FRMPD4: variants seen among roughly 807,000 people sequenced by gnomAD.
FRMPD4 encodes FERM and PDZ domain containing 4, also known as FERM and PDZ domain-containing protein 4.
A neutral mutation model predicts 94.1 loss-of-function variants in FRMPD4; 22 were observed. The observed-to-expected ratio is 0.23, with a 90% CI of 0.17 to 0.33. The LOEUF (loss-of-function observed/expected upper bound fraction) is 0.33. Among genes scored for constraint, FRMPD4 ranks in the 10% least tolerant of loss-of-function variants. The pLI is 1.00. For synonymous variants in FRMPD4, 631 were observed against 548.6 expected (o/e 1.15, Z -2.10); for missense variants, 1,111 against 1,339.9 (o/e 0.83, Z 2.67).
intron 1 of FRMPD4, among the ~76,000 whole-genome samples, chrX:12,159,346 A>G (rs1027732577): frequency 8.9e-6 from 1 of 112,027 alleles, no homozygotes; most frequent in Non-Finnish European, 1.9e-5. Flanking sequence ...GAGGCTAGGA[A>G]TTGTAATTAT....
chrX:11,826,660 A>G (rs1472698902), intron 1 of FRMPD4, among the ~76,000 whole-genome samples: 1 of 112,104 alleles, frequency 8.9e-6, no homozygotes, highest in Non-Finnish European at 1.9e-5. Flanking sequence ...GGCATGTTGT[A>G]CAAATTACAA....
At chrX:12,058,304 G>A (rs1180918830) in intron 3 of FRMPD4, among the ~76,000 whole-genome samples, 1 of 111,465 alleles carries the variant, frequency 9.0e-6, no homozygotes, top group African/African-American at 3.3e-5. Flanking sequence ...TGGCAAGTCC[G>A]GACATGAGGC....
intron 2 of FRMPD4, among the ~76,000 whole-genome samples, chrX:12,599,306 TA>T (rs58459190): frequency 7.7e-4 from 82 of 106,038 alleles, no homozygotes; most frequent in Non-Finnish European, 1.2e-3. Flanking sequence ...TTCCTGCAGG[TA>T]AAAAAAAAAC....
chrX:12,440,991 T>C (rs2057129876), intron 1 of FRMPD4, among the ~76,000 whole-genome samples: 1 of 112,372 alleles, frequency 8.9e-6, no homozygotes, highest in African/African-American at 3.2e-5. Context: ...GTTGTTCTAG[T>C]AGTTCTAACT....
chrX:12,344,073 G>C (rs1331129017), intron 1 of FRMPD4, among the ~76,000 whole-genome samples: 2 of 111,999 alleles, frequency 1.8e-5, no homozygotes, highest in Non-Finnish European at 3.8e-5. Context: ...ATTGGCTTCT[G>C]TTAGTGCCTG....
At chrX:11,987,544 C>G (rs1228640366) in intron 3 of FRMPD4, among the ~76,000 whole-genome samples, 1 of 111,344 alleles carries the variant, frequency 9.0e-6, no homozygotes, top group Non-Finnish European at 1.9e-5. Flanking sequence ...CACTGTTATT[C>G]AACATAGTAC....
At chrX:12,319,607 T>C (rs2147922262) in intron 1 of FRMPD4, among the ~76,000 whole-genome samples, 1 of 112,102 alleles carries the variant, frequency 8.9e-6, no homozygotes, top group East Asian at 2.8e-4. Flanking sequence ...GACATAATGC[T>C]TGAGGCAGGC....
chrX:12,609,673 A>G, intron 2 of FRMPD4, 48 bp from the exon 3 acceptor site: 2 of 1,082,099 alleles, frequency 1.8e-6, no homozygotes, highest in Non-Finnish European at 2.6e-6. Context: ...GCCAATGCCT[A>G]AGACATACAT....
intron 3 of FRMPD4, among the ~76,000 whole-genome samples, chrX:11,896,134 C>A (rs1175444696): frequency 8.9e-6 from 1 of 112,001 alleles, no homozygotes; most frequent in Non-Finnish European, 1.9e-5. Context: ...GCTCTTTAGG[C>A]TATCATAGTT....
chrX:12,223,383 G>A (rs1195698238), intron 1 of FRMPD4, among the ~76,000 whole-genome samples: 3 of 112,063 alleles, frequency 2.7e-5, no homozygotes, highest in Non-Finnish European at 5.6e-5. Context: ...TCTTGCTTAT[G>A]AGCAGGAGCT....
intron 3 of FRMPD4, among the ~76,000 whole-genome samples, chrX:12,031,685 A>G (rs1357726881): frequency 8.9e-6 from 1 of 111,808 alleles, no homozygotes; most frequent in African/African-American, 3.3e-5. Flanking sequence ...CTTCCACAAC[A>G]AGGGGCTGGT....
At chrX:12,629,345 G>A (rs1411769468) in intron 4 of FRMPD4, among the ~76,000 whole-genome samples, 1 of 111,924 alleles carries the variant, frequency 8.9e-6, no homozygotes, top group East Asian at 2.8e-4. Context: ...GGGGTGGGAG[G>A]GAAACTTTGG....
At chrX:12,565,335 T>C (rs5978547) in intron 2 of FRMPD4, among the ~76,000 whole-genome samples, 26,042 of 109,653 alleles carry the variant, frequency 0.24, 2,619 homozygotes, top group African/African-American at 0.39. Flanking sequence ...TAGAAAGGGG[T>C]AAAAAATATA....
chrX:12,167,715 T>G (rs1010791997), intron 1 of FRMPD4, among the ~76,000 whole-genome samples: 1 of 112,009 alleles, frequency 8.9e-6, no homozygotes, highest in Admixed American at 9.5e-5. Flanking sequence ...GGGAAGACGA[T>G]ATAATGGACT....
chrX:12,416,432 A>G (rs1168339165), intron 1 of FRMPD4, among the ~76,000 whole-genome samples: 2 of 112,060 alleles, frequency 1.8e-5, no homozygotes, highest in Non-Finnish European at 3.8e-5. Context: ...TTAATTAACA[A>G]CTTGTATGGT....
At chrX:11,848,140 A>T (rs2147286734) in intron 1 of FRMPD4, among the ~76,000 whole-genome samples, 1 of 111,229 alleles carries the variant, frequency 9.0e-6, no homozygotes, top group African/African-American at 3.3e-5. Context: ...CATTTTAGAC[A>T]ATATATTATA....
At chrX:12,218,065 TA>T (rs1327020105) in intron 1 of FRMPD4, among the ~76,000 whole-genome samples, 1 of 111,432 alleles carries the variant, frequency 9.0e-6, no homozygotes, top group Admixed American at 9.6e-5. Flanking sequence ...ACTTGAGAAA[TA>T]AACTTTCTAA....
chrX:12,210,207 C>T (rs2147737611), intron 1 of FRMPD4, among the ~76,000 whole-genome samples: 1 of 112,071 alleles, frequency 8.9e-6, no homozygotes, highest in African/African-American at 3.2e-5. Context: ...GATCTGAAGC[C>T]AAGTGTTAAT....
chrX:11,842,022 T>G (rs1440230164), intron 1 of FRMPD4, among the ~76,000 whole-genome samples: 1 of 110,645 alleles, frequency 9.0e-6, no homozygotes, highest in Non-Finnish European at 1.9e-5. Flanking sequence ...CCCCATTGCT[T>G]GTTTTTCTCA....
Sources: allele counts gnomAD v4.1 joint callset (sites outside exome capture counted in the v4.1 genomes callset), GRCh38; gene constraint gnomAD v4.1.1; transcripts MANE v1.5; gene names NCBI Gene and HGNC (gene_info 2026-07-23, HGNC 2026-07-21).